The following VAC14 variants were observed in gnomAD, a reference collection of about 807,000 sequenced individuals.
VAC14 encodes the protein protein VAC14 homolog.
Under a neutral mutation model 85.3 loss-of-function variants are expected in VAC14, and 47 were observed. That is an observed-to-expected ratio of 0.55 (90% CI 0.44 to 0.70). The LOEUF (loss-of-function observed/expected upper bound fraction) is 0.70. Ranked by LOEUF, VAC14 falls within the 30% of genes least tolerant of loss-of-function variation. VAC14 has a pLI of 0.00. For synonymous variants in VAC14, 447 were observed against 430.5 expected (o/e 1.04, Z -0.47); for missense variants, 861 against 1,004.3 (o/e 0.86, Z 1.93).
At chr16:70,750,217 G>C (rs2031268140) in intron 12 of VAC14, among the ~76,000 whole-genome samples, 1 of 152,226 alleles carries the variant, frequency 6.6e-6, no homozygotes, top group Admixed American at 6.5e-5. Flanking sequence ...CCAGTGAGCA[G>C]GCTGGCTGGG....
chr16:70,787,373 C>A (rs1229830240), intron 1 of VAC14, among the ~76,000 whole-genome samples: 2 of 152,102 alleles, frequency 1.3e-5, no homozygotes, highest in Admixed American at 1.3e-4. Context: ...AGACAGTGCC[C>A]CCAGGTGTCT....
intron 1 of VAC14, among the ~76,000 whole-genome samples, chr16:70,797,850 C>T (rs534678230): frequency 6.6e-6 from 1 of 152,302 alleles, no homozygotes; most frequent in South Asian, 2.1e-4. Flanking sequence ...CTGCTCCCGC[C>T]ATGTGGGACG....
chr16:70,740,108 G>C lies in VAC14; in HGVS notation c.1528+4315C>G, dbSNP rs1432252817. Among the ~76,000 whole-genome samples, 4 of 152,084 alleles carry C rather than the reference G, an allele frequency of 2.6e-5. No individual in the cohort carries two copies. The East Asian group carries it at 5.8e-4, about 22-fold the overall frequency. ...GCCGAGTAGCTGGGATTACAGGCAC[G>C]CACCACTACGCCCAGCTAAATTTTG... On this transcript the variant is annotated intron_variant, in intron 13 of 18. Transcript: ENST00000261776.
chr16:70,722,747 C>A (rs1209021174), intron 14 of VAC14, among the ~76,000 whole-genome samples: 2 of 152,138 alleles, frequency 1.3e-5, no homozygotes, highest in Non-Finnish European at 2.9e-5. Flanking sequence ...AAAATGGCTT[C>A]TAGGGGCCAG....
chr16:70,788,452 T>C (rs1433635544), intron 1 of VAC14, among the ~76,000 whole-genome samples: 1 of 152,188 alleles, frequency 6.6e-6, no homozygotes, highest in Non-Finnish European at 1.5e-5. Context: ...CTTTCGTCTT[T>C]ATGGGACTGG....
At chr16:70,693,645 C>T (rs1216680318) in intron 17 of VAC14, among the ~76,000 whole-genome samples, 7 of 152,220 alleles carry the variant, frequency 4.6e-5, no homozygotes, top group Non-Finnish European at 8.8e-5. Context: ...GCACGGACCC[C>T]GCTGGTGGCT....
chr16:70,772,362 T>C (rs550535378), intron 9 of VAC14, 190 bp from the exon 10 acceptor site: 1 of 566,746 alleles, frequency 1.8e-6, no homozygotes, highest in East Asian at 2.9e-5. Flanking sequence ...TCCCCAAGCT[T>C]GTAAGTCTGT....
intron 13 of VAC14, among the ~76,000 whole-genome samples, chr16:70,732,386 T>C (rs1278823736): frequency 6.6e-6 from 1 of 152,212 alleles, no homozygotes; most frequent in Non-Finnish European, 1.5e-5. Context: ...GTGTCCCAGC[T>C]AGAAAACACA....
intron 3 of VAC14, among the ~76,000 whole-genome samples, chr16:70,785,491 T>C (rs2034006662): frequency 6.6e-6 from 1 of 152,144 alleles, no homozygotes; most frequent in Admixed American, 6.5e-5. Context: ...TTATATCAAA[T>C]GCAATCAAAA....
chr16:70,691,765 C>A (rs1328099100), intron 18 of VAC14: 5 of 985,282 alleles, frequency 5.1e-6, no homozygotes, highest in Admixed American at 6.1e-5. Flanking sequence ...CTATCAGGTG[C>A]CCCACACTCA....
intron 14 of VAC14, among the ~76,000 whole-genome samples, chr16:70,710,387 G>A (rs375400154): frequency 3.9e-5 from 6 of 152,192 alleles, no homozygotes; most frequent in East Asian, 1.9e-4. Context: ...GTCTTGGGAC[G>A]GGTAATGGAA....
Position 70,748,956 on chromosome 16 carries a change from A to G in VAC14, c.1372-4377T>C, listed in dbSNP as rs895805400. ...TGTCTCAAAAACAAAACAAAACAAA[A>G]AAACAAAACCATAAACCAAAAAAGA... On this transcript the variant is annotated intron_variant, in intron 12 of 18. Coordinates refer to ENST00000261776, the MANE Select transcript of VAC14 (RefSeq NM_018052.5). Among the ~76,000 whole-genome samples the G allele has an allele frequency of 2.6e-5, 4 of 152,268 alleles. No homozygotes were observed. In the East Asian group the frequency reaches 7.7e-4, roughly 29 times the overall value.
intron 1 of VAC14, among the ~76,000 whole-genome samples, chr16:70,799,203 C>A (rs554789678): frequency 4.6e-5 from 7 of 152,328 alleles, no homozygotes; most frequent in African/African-American, 1.4e-4. Flanking sequence ...GGTGTCAAGG[C>A]AACTTCAAAG....
intron 14 of VAC14, chr16:70,715,710 G>C (rs761079061): frequency 1.3e-5 from 2 of 152,292 alleles, no homozygotes; most frequent in African/African-American, 2.4e-5. Context: ...TGATGCATGG[G>C]AGATGGCCAG....
rs12599694 is a variant in VAC14 at position 70,702,158 on chromosome 16, C to G, written c.1662-3347G>C. Reference sequence around the variant, plus strand: ...TTCTCTCTGTTCATGCCCAGGCAGGCCTTTTTGTGCTGTGCAAACACCAGT... The same window carrying G: ...TTCTCTCTGTTCATGCCCAGGCAGGGCTTTTTGTGCTGTGCAAACACCAGT... On this transcript the variant is annotated intron_variant, in intron 14 of 18. Transcript: ENST00000261776. Among the ~76,000 whole-genome samples, 1,127 of 152,354 alleles carry G rather than the reference C, an allele frequency of 7.4e-3. 96 individuals carry two copies. The East Asian group carries it at 0.18, about 24-fold the overall frequency.
At chr16:70,780,275 A>T (rs1220815469) in intron 9 of VAC14, among the ~76,000 whole-genome samples, 3 of 152,128 alleles carry the variant, frequency 2.0e-5, no homozygotes, top group Admixed American at 2.0e-4. Context: ...AGAATTTTCA[A>T]GTACAGAATA....
intron 17 of VAC14, 100 bp from the exon 18 acceptor site, chr16:70,693,071 T>A (rs2053631060): frequency 6.9e-7 from 1 of 1,445,974 alleles, no homozygotes; most frequent in African/African-American, 1.4e-5. Context: ...ACCTGGGACT[T>A]GGTGCCATGG....
chr16:70,711,192 A>C (rs1597868541), intron 14 of VAC14, among the ~76,000 whole-genome samples: 1 of 152,074 alleles, frequency 6.6e-6, no homozygotes, highest in East Asian at 1.9e-4. Flanking sequence ...TGCGGGCCTC[A>C]CCTCCAGGAG....
chr16:70,782,077 G>T (rs549370361), intron 7 of VAC14, 74 bp from the exon 8 acceptor site: 8 of 1,560,760 alleles, frequency 5.1e-6, no homozygotes, highest in East Asian at 2.3e-5. Context: ...GACCATACAC[G>T]TGGGATGGGG....
Sources: allele counts gnomAD v4.1 joint callset (sites outside exome capture counted in the v4.1 genomes callset), GRCh38; gene constraint gnomAD v4.1.1; transcripts MANE v1.5; gene names NCBI Gene and HGNC (gene_info 2026-07-23, HGNC 2026-07-21).